KCNB2: variants seen among roughly 807,000 people sequenced by gnomAD.
KCNB2 encodes the protein delayed rectifier potassium channel protein.
A neutral mutation model predicts 61.5 loss-of-function variants in KCNB2; 15 were observed. That is an observed-to-expected ratio of 0.24 (90% CI 0.16 to 0.38). The LOEUF is 0.38. Ranked by LOEUF, KCNB2 falls within the 10% of genes least tolerant of loss-of-function variation. The pLI is 1.00. For synonymous variants in KCNB2, 457 were observed against 446.0 expected (o/e 1.02, Z -0.31); for missense variants, 828 against 1,125.2 (o/e 0.74, Z 3.78).
chr8:72,669,882 C>G (rs1398718035), intron 2 of KCNB2, among the ~76,000 whole-genome samples: 1 of 152,158 alleles, frequency 6.6e-6, no homozygotes, highest in Non-Finnish European at 1.5e-5. Context: ...GCTGGAACCC[C>G]CAGGGTTGAG....
chr8:72,615,799 G>A (rs1202143352), intron 2 of KCNB2, among the ~76,000 whole-genome samples: 2 of 152,178 alleles, frequency 1.3e-5, no homozygotes, highest in African/African-American at 2.4e-5. Context: ...TTAAAGGTGA[G>A]TGAATGAAAT....
At chr8:72,598,932 T>A (rs1807244024) in intron 2 of KCNB2, among the ~76,000 whole-genome samples, 1 of 151,998 alleles carries the variant, frequency 6.6e-6, no homozygotes, top group Non-Finnish European at 1.5e-5. Context: ...AAACCACAAC[T>A]CAATGAAATA....
In KCNB2 at chr8:72,537,268, G is replaced by A. The variant is rs892596483; in HGVS notation, c.-711G>A. ...CGGGCCGGCTAGCTGCGGGGCGGGG[G>A]AGCGGCGCCCCAGAGCGCCCCGCCT... On this transcript the variant is annotated 5_prime_UTR_variant, in exon 1 of 3. Transcript: ENST00000523207. The A allele has an allele frequency of 3.3e-5, 5 of 151,600 alleles. No individual in the cohort carries two copies. Among genetic ancestry groups the A allele is most frequent in the Non-Finnish European group, 7.4e-5 (5 of 67,752 alleles). 9.4% of individuals were successfully genotyped at this position (151,600 alleles called of 1,614,324 possible).
intron 2 of KCNB2, among the ~76,000 whole-genome samples, chr8:72,699,186 C>A (rs1807070593): frequency 6.6e-6 from 1 of 151,952 alleles, no homozygotes; most frequent in Admixed American, 6.6e-5. Context: ...AAAAAGTGAG[C>A]AAACTAATTT....
chr8:72,641,275 T>G (rs1453599123), intron 2 of KCNB2, among the ~76,000 whole-genome samples: 1 of 152,130 alleles, frequency 6.6e-6, no homozygotes, highest in African/African-American at 2.4e-5. Flanking sequence ...ATTCATATTT[T>G]CTCATCCCTA....
chr8:72,593,174 T>C (rs1807128729), intron 2 of KCNB2, among the ~76,000 whole-genome samples: 1 of 152,108 alleles, frequency 6.6e-6, no homozygotes, highest in African/African-American at 2.4e-5. Context: ...TATTCATGAT[T>C]GTTTGTCTAC....
At chr8:72,614,399 C>T (rs558008792) in intron 2 of KCNB2, among the ~76,000 whole-genome samples, 3 of 152,276 alleles carry the variant, frequency 2.0e-5, no homozygotes, top group South Asian at 2.1e-4. Context: ...CAAATCCTAG[C>T]TCTACTCTAA....
chr8:72,896,457 T>C (rs1469583731), intron 2 of KCNB2, among the ~76,000 whole-genome samples: 1 of 152,148 alleles, frequency 6.6e-6, no homozygotes, highest in Non-Finnish European at 1.5e-5. Flanking sequence ...ACGTTCAAAT[T>C]ATAGCAGAAA....
chr8:72,715,585 C>T lies in KCNB2; in HGVS notation c.579+147272C>T, dbSNP rs1317528310. The stretch of plus-strand genomic sequence containing the variant: ...TACTGGGTACCTAACGAAATGAAGG[C>T]AGAAATAAAGATGTTCTTTGAAACC... On this transcript the variant is annotated intron_variant, in intron 2 of 2. Transcript: ENST00000523207. 2.6e-5 allele frequency among the ~76,000 whole-genome samples: 4 copies of T among 152,102 alleles called. No homozygotes were observed. The East Asian group carries it at 7.7e-4, about 29-fold the overall frequency.
At chr8:72,747,556 A>G (rs979731361) in intron 2 of KCNB2, among the ~76,000 whole-genome samples, 8 of 152,206 alleles carry the variant, frequency 5.3e-5, no homozygotes, top group African/African-American at 1.9e-4. Context: ...TCCAGACCCC[A>G]AGAGAGGGTT....
intron 2 of KCNB2, among the ~76,000 whole-genome samples, chr8:72,711,575 A>G (rs536694521): frequency 1.2e-4 from 19 of 152,366 alleles, no homozygotes; most frequent in South Asian, 6.2e-4. Flanking sequence ...TATTATATTT[A>G]TGATGTACCC....
intron 2 of KCNB2, among the ~76,000 whole-genome samples, chr8:72,736,444 C>G (rs1248486216): frequency 6.6e-6 from 1 of 152,060 alleles, no homozygotes; most frequent in Admixed American, 6.6e-5. Flanking sequence ...TAATCAGTTT[C>G]CAAGGTTCAT....
chr8:72,806,540 G>A (rs1809226058), intron 2 of KCNB2, among the ~76,000 whole-genome samples: 1 of 151,144 alleles, frequency 6.6e-6, no homozygotes, highest in Non-Finnish European at 1.5e-5. Flanking sequence ...ACTTGAACCC[G>A]GGAGGCAGAG....
chr8:72,739,387 C>G (rs755671296), intron 2 of KCNB2, among the ~76,000 whole-genome samples: 1 of 151,772 alleles, frequency 6.6e-6, no homozygotes, highest in Admixed American at 6.6e-5. Flanking sequence ...GGGAATTAGA[C>G]GAGTAGAGAA....
chr8:72,629,449 A>G (rs954528661), intron 2 of KCNB2, among the ~76,000 whole-genome samples: 2 of 152,210 alleles, frequency 1.3e-5, no homozygotes, highest in Non-Finnish European at 1.5e-5. Context: ...CTTCTCTTCC[A>G]GAATTTCCAA....
At position 72,568,322 on chromosome 8, in the gene KCNB2, C is replaced by T; in HGVS notation, c.579+9C>T. ...CATCAGTGGCTGCAAAGGTATGAAA[C>T]CCATAGTATTGCTTGCCTGTGTGTG... On this transcript the variant is annotated intron_variant, in intron 2 of 2. Transcript: ENST00000523207. 6.3e-7 allele frequency: 1 copy of T among 1,595,252 alleles called. No homozygotes were observed. The highest frequency in any genetic ancestry group is 8.5e-7 in the Non-Finnish European group (1 of 1,171,062).
chr8:72,767,655 A>C lies in KCNB2; in HGVS notation c.580-168280A>C, dbSNP rs529689373. On this transcript the variant is annotated intron_variant, in intron 2 of 2. Coordinates refer to ENST00000523207, the MANE Select transcript of KCNB2 (RefSeq NM_004770.3). ...TGATGGGCATTTGGATTGTTTCCAC[A>C]TTGAGGCTATTATGAATAACACTGC... is the stretch of plus-strand genomic sequence containing the variant. Among the ~76,000 whole-genome samples, 238 of 152,186 alleles carry C rather than the reference A, an allele frequency of 1.6e-3. 2 individuals are homozygous for C. Among genetic ancestry groups the C allele is most frequent in the Non-Finnish European group, 1.2e-3 (83 of 68,040 alleles).
chr8:72,892,342 G>A (rs1022735269), intron 2 of KCNB2, among the ~76,000 whole-genome samples: 2 of 152,098 alleles, frequency 1.3e-5, no homozygotes, highest in African/African-American at 2.4e-5. Flanking sequence ...TCCAAGTCAC[G>A]AAATGTGGCA....
At chr8:72,633,144 A>T (rs549785307) in intron 2 of KCNB2, among the ~76,000 whole-genome samples, 167 of 152,240 alleles carry the variant, frequency 1.1e-3, no homozygotes, top group Non-Finnish European at 2.1e-3. Flanking sequence ...CTTTCAGGTT[A>T]TTGGCGGAAA....
Sources: gnomAD v4.1 joint callset for allele counts (sites outside exome capture counted in the v4.1 genomes callset) on GRCh38, gnomAD v4.1.1 for gene constraint, MANE v1.5 for transcripts, NCBI Gene and HGNC (gene_info 2026-07-23, HGNC 2026-07-21) for gene names.